The following SLC2A14 variants were observed in gnomAD, a reference collection of about 807,000 sequenced individuals.
SLC2A14 encodes the protein solute carrier family 2 member 14, also known as solute carrier family 2, facilitated glucose transporter member 14.
In SLC2A14, 13 loss-of-function variants were observed where a neutral mutation model predicts 43.0. The ratio of observed to expected loss-of-function variants is 0.30; its 90% CI spans 0.20 to 0.48. The LOEUF is 0.48. SLC2A14 is among the 20% of genes least tolerant of loss of function. The pLI is 0.99. For missense variants in SLC2A14, 428 were observed against 620.4 expected (o/e 0.69, Z 3.29); for synonymous variants, 190 against 233.8 (o/e 0.81, Z 1.71).
chr12:7,842,643 C>T (rs1866063929), intron 2 of SLC2A14, among the ~76,000 whole-genome samples: 1 of 151,946 alleles, frequency 6.6e-6, no homozygotes, highest in Non-Finnish European at 1.5e-5. Context: ...GGCTACCACC[C>T]CCCTCCCCCC....
In SLC2A14 at chr12:7,882,717, A is replaced by C. The variant is rs762916728; in HGVS notation, c.132+8279T>G. 2.6e-5 allele frequency among the ~76,000 whole-genome samples: 4 copies of C among 152,050 alleles called. No homozygotes were observed. The South Asian group carries it at 8.3e-4, about 32-fold the overall frequency. On this transcript the variant is annotated intron_variant, in intron 1 of 9. Coordinates refer to the SLC2A14 transcript ENST00000539924. ...TCCAGCATAGTGGCGCACGCCTGTA[A>C]TCCCAGCTACGTGGGAAGCTGAGGC... is the stretch of plus-strand genomic sequence containing the variant.
At position 7,814,143 on chromosome 12, in the gene SLC2A14, C is replaced by T. The variant is rs1592129641; in HGVS notation, c.*173G>A. ...GTCCAGGAAATAAAATTTAAAAAGC[C>T]ATTGAAGATCCAACAAACTGCAGCC... On this transcript the variant is annotated 3_prime_UTR_variant, in exon 11 of 11. Transcript: ENST00000431042. The T allele has an allele frequency of 5.1e-6, 6 of 1,175,058 alleles. No homozygotes were observed. The highest frequency in any genetic ancestry group is 4.6e-5 in the African/African-American group (3 of 65,132). The allele number at this position is 1,175,058 out of a possible 1,614,324, so 72.8% of individuals were successfully genotyped here.
At chr12:7,882,005 A>T (rs759608859) in intron 1 of SLC2A14, among the ~76,000 whole-genome samples, 11 of 152,072 alleles carry the variant, frequency 7.2e-5, no homozygotes, top group Non-Finnish European at 1.5e-4. Flanking sequence ...AATCAGCAGG[A>T]TGTGGGTGGG....
chr12:7,883,013 A>G (rs1180561812), intron 1 of SLC2A14, among the ~76,000 whole-genome samples: 1 of 151,934 alleles, frequency 6.6e-6, no homozygotes, highest in Admixed American at 6.6e-5. Context: ...GTTCAAGACC[A>G]TCCTGGCCAA....
At chr12:7,862,446 C>A (rs1944624746) in intron 2 of SLC2A14, among the ~76,000 whole-genome samples, 1 of 152,088 alleles carries the variant, frequency 6.6e-6, no homozygotes, top group Non-Finnish European at 1.5e-5. Context: ...GGACCTGCAG[C>A]CCGCCATGCC....
intron 2 of SLC2A14, chr12:7,850,613 C>A (rs1231048103): frequency 6.6e-6 from 1 of 152,208 alleles, no homozygotes; most frequent in South Asian, 2.1e-4. Flanking sequence ...CCAGGATGGT[C>A]TCGATCTTTT....
chr12:7,882,648 T>C (rs1592333622), intron 1 of SLC2A14, among the ~76,000 whole-genome samples: 2 of 152,088 alleles, frequency 1.3e-5, no homozygotes, highest in South Asian at 2.1e-4. Context: ...ACCAGCCTGG[T>C]CAACATGGCT....
intron 2 of SLC2A14, among the ~76,000 whole-genome samples, chr12:7,862,833 T>C (rs892434082): frequency 2.0e-5 from 3 of 152,054 alleles, no homozygotes; most frequent in Non-Finnish European, 4.4e-5. Context: ...CCTTGGAGAA[T>C]CTGTGTGTGG....
At chr12:7,878,208 G>C (rs147064948), upstream of SLC2A14, among the ~76,000 whole-genome samples, 1 of 151,952 alleles carries the variant, frequency 6.6e-6, no homozygotes. Flanking sequence ...CAGCCACCAC[G>C]CCTGGCTAAG....
intron 2 of SLC2A14, among the ~76,000 whole-genome samples, chr12:7,835,751 AC>A (rs1355844120): frequency 6.6e-6 from 1 of 152,192 alleles, no homozygotes; most frequent in African/African-American, 2.4e-5. Context: ...TTCAAGACAC[AC>A]ACAAAAAGCT....
At chr12:7,832,335 A>G (rs1865111064) in intron 3 of SLC2A14, among the ~76,000 whole-genome samples, 1 of 152,158 alleles carries the variant, frequency 6.6e-6, no homozygotes, top group East Asian at 1.9e-4. Context: ...CTAACCCCTA[A>G]GGGATAATAC....
At chr12:7,862,286 AAAG>A (rs1372335225) in intron 2 of SLC2A14, among the ~76,000 whole-genome samples, 2 of 151,154 alleles carry the variant, frequency 1.3e-5, no homozygotes, top group African/African-American at 2.4e-5. Context: ...AAAAAAAAAA[AAAG>A]AAGACACCAA....
intron 2 of SLC2A14, among the ~76,000 whole-genome samples, chr12:7,865,711 C>A (rs1944870636): frequency 6.6e-6 from 1 of 152,044 alleles, no homozygotes; most frequent in East Asian, 1.9e-4. Context: ...AATTAAAAAC[C>A]CTAAATGGCA....
rs1369827353 is a variant in SLC2A14 at position 7,826,935 on chromosome 12, CCTTTCCTTT to C, written c.864+551_864+559del. Among the ~76,000 whole-genome samples the C allele has an allele frequency of 1.9e-4, 25 of 129,366 alleles. No homozygotes were observed. The South Asian group carries it at 3.7e-3, about 19-fold the overall frequency. The allele number at this position is 129,366 out of a possible 152,430, so 84.9% of individuals were successfully genotyped here. A position where few individuals can be genotyped will look rare whatever the true frequency, so the allele number is the denominator to read the frequency against. On this transcript the variant is annotated intron_variant, in intron 7 of 10. Coordinates refer to ENST00000431042, the MANE Select transcript of SLC2A14 (RefSeq NM_001286234.2). ...TTTCTTTTTCCTTTTTCTTTCCTTTCCTTTCCTTTCTTTCCTTTCTTCTCTCTCTTTCTC... is the reference window on the plus strand; with the variant it reads ...TTTCTTTTTCCTTTTTCTTTCCTTTCCTTTCCTTTCTTCTCTCTCTTTCTC...
intron 7 of SLC2A14, among the ~76,000 whole-genome samples, chr12:7,827,079 CT>C (rs1189485109): frequency 9.3e-6 from 1 of 107,460 alleles, no homozygotes; most frequent in Admixed American, 1.0e-4. Flanking sequence ...CTCTCTCTTT[CT>C]TTCTTTCTTT....
In SLC2A14 at chr12:7,865,365, A is replaced by G. The variant is rs776854546; in HGVS notation, c.18+4498T>C. On this transcript the variant is annotated intron_variant, in intron 2 of 10. Coordinates refer to ENST00000431042, the MANE Select transcript of SLC2A14 (RefSeq NM_001286234.2). ...ATCCTGGCTAACATGGTGGAACCCCATCTCTACTAAAAACACAAAATATTC... is the reference window on the plus strand; with the variant it reads ...ATCCTGGCTAACATGGTGGAACCCCGTCTCTACTAAAAACACAAAATATTC... Among the ~76,000 whole-genome samples the G allele has an allele frequency of 9.9e-5, 15 of 152,068 alleles. No homozygotes were observed. The East Asian group carries it at 1.4e-3, about 14-fold the overall frequency.
At chr12:7,831,935 C>T (rs1774473862) in intron 3 of SLC2A14, among the ~76,000 whole-genome samples, 171 bp from the exon 4 acceptor site, 1 of 152,140 alleles carries the variant, frequency 6.6e-6, no homozygotes, top group African/African-American at 2.4e-5. Flanking sequence ...ATGGTGAAAC[C>T]CCGTCTCTAC....
rs746759317 is a variant in SLC2A14 at position 7,885,254 on chromosome 12, C to T, written c.132+5742G>A. 9.1e-4 allele frequency among the ~76,000 whole-genome samples: 138 copies of T among 152,218 alleles called. 2 individuals are homozygous for T. The highest frequency in any genetic ancestry group is 2.0e-3 in the Admixed American group (31 of 15,262). Reference sequence around the variant, plus strand: ...GGCCGAGGCGGGCAGATCACGAGGTCAGGCATTTGAAACCAGCCTGGCCAA... The same window carrying T: ...GGCCGAGGCGGGCAGATCACGAGGTTAGGCATTTGAAACCAGCCTGGCCAA... On this transcript the variant is annotated intron_variant, in intron 1 of 9. Transcript: ENST00000539924.
Position 7,829,900 on chromosome 12 carries a change from C to A in SLC2A14, c.379G>T (p.Val127Phe), listed in dbSNP as rs746842834. 3.7e-5 allele frequency: 59 copies of A among 1,614,084 alleles called. 1 individual carries two copies. Among genetic ancestry groups the A allele is most frequent in the Middle Eastern group, 1.6e-4 (1 of 6,084 alleles). ...CAGAGTCCGCAGAAGAGGCCAATAA[C>A]CAAGCGGCCCAGGATCAGCATTTCA... ...SVEMLILGRL[V>F]IGLFCGLCTG... The change falls in exon 5 of 11, where the codon GTT becomes TTT. Residue 127 changes from valine to phenylalanine, a missense_variant. By Grantham distance (50) the Val-to-Phe change is conservative. Coordinates refer to ENST00000431042, the MANE Select transcript of SLC2A14 (RefSeq NM_001286234.2).
Sources: allele counts gnomAD v4.1 joint callset (sites outside exome capture counted in the v4.1 genomes callset), GRCh38; gene constraint gnomAD v4.1.1; transcripts MANE v1.5; gene names NCBI Gene and HGNC (gene_info 2026-07-23, HGNC 2026-07-21).